The following ATP6V0A4 variants were observed in gnomAD, a reference collection of about 807,000 sequenced individuals.
The protein encoded by ATP6V0A4 is V-type proton ATPase 116 kDa subunit a 4.
ATP6V0A4 carries 86 observed loss-of-function variants against 107.3 expected under a neutral mutation model. The observed-to-expected ratio is 0.80, with a 90% CI of 0.67 to 0.96. The LOEUF is 0.96. Among genes scored for constraint, ATP6V0A4 ranks in the 40% least tolerant of loss-of-function variants. The pLI, the probability that ATP6V0A4 is intolerant of heterozygous loss-of-function variation, is 0.00. For missense variants in ATP6V0A4, 908 were observed against 1,045.6 expected (o/e 0.87, Z 1.81); for synonymous variants, 353 against 381.4 (o/e 0.93, Z 0.87).
At chr7:138,745,943 C>CAAAAA (rs1185253786) in intron 13 of ATP6V0A4, among the ~76,000 whole-genome samples, 1 of 72,316 alleles carries the variant, frequency 1.4e-5, no homozygotes, top group Non-Finnish European at 2.4e-5. Flanking sequence ...GACTCTGTCT[C>CAAAAA]AAAAAAAAAA....
At chr7:138,707,114 TTA>T (rs1464124543) in intron 21 of ATP6V0A4, among the ~76,000 whole-genome samples, 2 of 70,346 alleles carry the variant, frequency 2.8e-5, no homozygotes, top group Non-Finnish European at 4.8e-5. Flanking sequence ...ATATATATTA[TTA>T]TATATAATAT....
intron 8 of ATP6V0A4, 77 bp downstream of exon 8, chr7:138,759,675 G>A (rs2117308262): frequency 6.7e-7 from 1 of 1,484,736 alleles, no homozygotes; most frequent in South Asian, 1.1e-5. Flanking sequence ...GATCCCCCAT[G>A]TTTTGGGAGA....
At chr7:138,763,060 A>T (rs374747079) in intron 5 of ATP6V0A4, 35 bp from the exon 6 acceptor site, 8 of 1,612,854 alleles carry the variant, frequency 5.0e-6, no homozygotes, top group Non-Finnish European at 6.8e-6. Context: ...AAGCCAACAG[A>T]AAGTGCTATG....
At chr7:138,729,017 A>G (rs1804855244) in intron 17 of ATP6V0A4, 155 bp from the exon 18 acceptor site, 2 of 906,506 alleles carry the variant, frequency 2.2e-6, no homozygotes, top group South Asian at 1.0e-4. Context: ...CGCCTGGAAT[A>G]TTCCCCTTGC....
chr7:138,752,522 A>G, intron 11 of ATP6V0A4, 103 bp downstream of exon 11: 1 of 1,432,586 alleles, frequency 7.0e-7, no homozygotes, highest in Non-Finnish European at 9.6e-7. Context: ...CAATCCTACC[A>G]CCAAGTCACT....
intron 3 of ATP6V0A4, among the ~76,000 whole-genome samples, chr7:138,770,050 C>G (rs543353393): frequency 6.6e-6 from 1 of 151,968 alleles, no homozygotes; most frequent in Non-Finnish European, 1.5e-5. Flanking sequence ...GACCCTGTCT[C>G]AAACAACAAC....
Position 138,771,163 on chromosome 7 carries a change from G to T in ATP6V0A4, c.85C>A (p.Leu29Ile), listed in dbSNP as rs767136907. 16 of 1,614,158 alleles carry T rather than the reference G, an allele frequency of 9.9e-6. No individual in the cohort carries two copies. The South Asian group carries it at 1.6e-4, about 17-fold the overall frequency. Residue 29 changes from leucine to isoleucine, a missense_variant, in exon 3 of 22, where the codon CTC (leucine) becomes ATC (isoleucine). Physicochemically the swap from Leu to Ile is conservative, Grantham distance 5. Coordinates refer to ENST00000310018, the MANE Select transcript of ATP6V0A4 (RefSeq NM_020632.3). ...VEAAYCCVAE[L>I]GELGLVQFKD... is the part of the protein sequence containing the mutation. Reference sequence around the variant, plus strand: ...AACTGAACCAATCCGAGCTCTCCGAGCTCAGCCACACAGCAATATGCAGCT... The same window carrying T: ...AACTGAACCAATCCGAGCTCTCCGATCTCAGCCACACAGCAATATGCAGCT...
rs968978299 is a variant in ATP6V0A4 at position 138,784,528 on chromosome 7, C to G, written c.-18+1630G>C. 2.6e-5 allele frequency among the ~76,000 whole-genome samples: 4 copies of G among 151,764 alleles called. No individual in the cohort carries two copies. In the East Asian group the frequency reaches 7.7e-4, roughly 29 times the overall value. ...AGAGATGGTGTTTCACCGTGTTAGC[C>G]AGGGTGGTCTCGATCTCCTGACCTC... On this transcript the variant is annotated intron_variant, in intron 2 of 21. Coordinates refer to ENST00000310018, the MANE Select transcript of ATP6V0A4 (RefSeq NM_020632.3).
intron 5 of ATP6V0A4, among the ~76,000 whole-genome samples, chr7:138,766,220 GGAA>G (rs1563010646): frequency 7.6e-5 from 7 of 92,204 alleles, no homozygotes; most frequent in African/African-American, 1.3e-4. Flanking sequence ...TTTTTTTTTT[GGAA>G]ACACAGTCTT....
intron 21 of ATP6V0A4, among the ~76,000 whole-genome samples, chr7:138,707,387 AAAAATAAATATATT>A (rs1337062764): frequency 3.5e-5 from 2 of 56,422 alleles, no homozygotes; most frequent in African/African-American, 1.6e-4. Flanking sequence ...ATATATATAT[AAAAATAAATATATT>A]ATATATATAT....
intron 14 of ATP6V0A4, among the ~76,000 whole-genome samples, chr7:138,741,820 C>A (rs947315977): frequency 6.6e-6 from 1 of 152,216 alleles, no homozygotes; most frequent in Non-Finnish European, 1.5e-5. Flanking sequence ...AGGTCCAAGA[C>A]CCAGGTCGCA....
At chr7:138,765,669 A>T (rs1055731195) in intron 5 of ATP6V0A4, among the ~76,000 whole-genome samples, 1 of 152,256 alleles carries the variant, frequency 6.6e-6, no homozygotes, top group Non-Finnish European at 1.5e-5. Flanking sequence ...AAATCAATCA[A>T]TCAACAAATC....
intron 5 of ATP6V0A4, among the ~76,000 whole-genome samples, chr7:138,764,579 G>A (rs1020372024): frequency 1.3e-5 from 2 of 152,168 alleles, no homozygotes; most frequent in East Asian, 1.9e-4. Context: ...ACTGTCATCT[G>A]TAGCTTGCAC....
intron 15 of ATP6V0A4, among the ~76,000 whole-genome samples, chr7:138,737,350 A>T (rs1266393793): frequency 6.6e-6 from 1 of 150,974 alleles, no homozygotes; most frequent in African/African-American, 2.4e-5. Flanking sequence ...CCTGGCTCTC[A>T]TTCTCTCTCT....
At chr7:138,720,084 T>G (rs1386116929) in intron 19 of ATP6V0A4, among the ~76,000 whole-genome samples, 3 of 152,102 alleles carry the variant, frequency 2.0e-5, no homozygotes, top group Admixed American at 2.0e-4. Context: ...GTGAGTCATT[T>G]TGGCCCCAAA....
At chr7:138,780,953 G>A (rs377411521) in intron 2 of ATP6V0A4, among the ~76,000 whole-genome samples, 1 of 152,048 alleles carries the variant, frequency 6.6e-6, no homozygotes, top group East Asian at 1.9e-4. Flanking sequence ...TTCACTGAGA[G>A]AGAAGGCCCC....
chr7:138,723,737 G>A (rs574426002), intron 18 of ATP6V0A4, among the ~76,000 whole-genome samples: 1 of 151,404 alleles, frequency 6.6e-6, no homozygotes, highest in East Asian at 1.9e-4. Context: ...TGCTGGCCAG[G>A]GTGATCTCGA....
chr7:138,708,634 C>T (rs899907227), intron 21 of ATP6V0A4, among the ~76,000 whole-genome samples: 12 of 152,196 alleles, frequency 7.9e-5, no homozygotes, highest in East Asian at 7.7e-4. Context: ...ATCAACCTAA[C>T]GACGGCTGAT....
In ATP6V0A4 at chr7:138,706,879, A is replaced by G. The variant is rs559228145; in HGVS notation, c.2430-162T>C. The G allele has an allele frequency of 2.5e-4, 150 of 610,660 alleles. 1 individual carries two copies. The East Asian group carries it at 0.014, about 57-fold the overall frequency. The allele number at this position is 610,660 out of a possible 1,614,324, so 37.8% of individuals were successfully genotyped here. ...CACCCAGGCTGATGGCTGCCATGAG[A>G]ATCCTGAGGATTTTTTTTTTTTTTT... is the stretch of plus-strand genomic sequence containing the variant. On this transcript the variant is annotated intron_variant, in intron 21 of 21. Transcript: ENST00000310018.
Sources: gnomAD v4.1 joint callset for allele counts (sites outside exome capture counted in the v4.1 genomes callset) on GRCh38, gnomAD v4.1.1 for gene constraint, MANE v1.5 for transcripts, NCBI Gene and HGNC (gene_info 2026-07-23, HGNC 2026-07-21) for gene names.